The following ADAMTS17 variants were observed in gnomAD, a reference collection of about 807,000 sequenced individuals.
The protein encoded by ADAMTS17 is A disintegrin and metalloproteinase with thrombospondin motifs 17.
In ADAMTS17, 113 loss-of-function variants were observed where a neutral mutation model predicts 141.5. The observed-to-expected ratio is 0.80, with a 90% CI of 0.69 to 0.93. The LOEUF (loss-of-function observed/expected upper bound fraction) is 0.93. Ranked by LOEUF, ADAMTS17 falls within the 40% of genes least tolerant of loss-of-function variation. The probability of loss-of-function intolerance (pLI) is 0.00; values close to 1 mark genes in which losing one functional copy is unlikely to be tolerated. For synonymous variants in ADAMTS17, 768 were observed against 630.6 expected (o/e 1.22, Z -3.27); for missense variants, 1,659 against 1,517.9 (o/e 1.09, Z -1.54).
intron 18 of ADAMTS17, among the ~76,000 whole-genome samples, chr15:100,045,941 T>C (rs989970797): frequency 1.3e-5 from 2 of 152,148 alleles, no homozygotes; most frequent in African/African-American, 4.8e-5. Flanking sequence ...AGTGCAGTGG[T>C]GTGATCTCAG....
At chr15:100,173,750 G>C (rs767538203) in intron 8 of ADAMTS17, among the ~76,000 whole-genome samples, 9 of 152,172 alleles carry the variant, frequency 5.9e-5, no homozygotes, top group Admixed American at 3.9e-4. Context: ...CATCACTTGG[G>C]AAACTTTTAA....
chr15:100,190,715 T>TA (rs2040884676), intron 8 of ADAMTS17, among the ~76,000 whole-genome samples: 6 of 152,194 alleles, frequency 3.9e-5, no homozygotes, highest in Non-Finnish European at 5.9e-5. Context: ...CCTGGAAGAA[T>TA]GGGGACACTC....
In ADAMTS17 at chr15:100,332,466, C is replaced by T. The variant is rs79772925; in HGVS notation, c.451-1412G>A. Among the ~76,000 whole-genome samples, 1,211 of 152,306 alleles carry T rather than the reference C, an allele frequency of 8.0e-3. 35 individuals carry two copies. The highest frequency in any genetic ancestry group is 0.056 in the Admixed American group (855 of 15,306). ...CCCCCCACCTGCTCCCCAGAGGATA[C>T]GCTTCACTCTAATGAGGGGCTGCAC... On this transcript the variant is annotated intron_variant, in intron 2 of 21. Transcript: ENST00000268070.
At chr15:100,336,711 G>A (rs757834810) in intron 2 of ADAMTS17, among the ~76,000 whole-genome samples, 2 of 152,058 alleles carry the variant, frequency 1.3e-5, no homozygotes, top group Non-Finnish European at 2.9e-5. Flanking sequence ...GTTCTCCATC[G>A]AGTAGGCTGC....
chr15:100,243,974 C>T (rs1036215708), intron 7 of ADAMTS17, among the ~76,000 whole-genome samples: 1 of 152,012 alleles, frequency 6.6e-6, no homozygotes, highest in Non-Finnish European at 1.5e-5. Flanking sequence ...TCAGTCTATT[C>T]TCACACTGCT....
intron 8 of ADAMTS17, among the ~76,000 whole-genome samples, chr15:100,190,703 C>T (rs1305465802): frequency 1.3e-5 from 2 of 152,210 alleles, no homozygotes; most frequent in Admixed American, 6.5e-5. Flanking sequence ...GGAAACCAAA[C>T]ACCTGGAAGA....
intron 18 of ADAMTS17, among the ~76,000 whole-genome samples, chr15:100,015,677 G>A (rs181113775): frequency 6.6e-6 from 1 of 152,146 alleles, no homozygotes; most frequent in South Asian, 2.1e-4. Flanking sequence ...TTTGTTTGAG[G>A]AGGCTGAAGA....
chr15:100,089,435 G>C (rs967697758), intron 15 of ADAMTS17, among the ~76,000 whole-genome samples: 2 of 150,076 alleles, frequency 1.3e-5, no homozygotes, highest in African/African-American at 5.0e-5. Context: ...GATTCCTCAG[G>C]GATCTAGAAC....
At chr15:100,282,082 C>G (rs1442220836) in intron 3 of ADAMTS17, among the ~76,000 whole-genome samples, 1 of 152,162 alleles carries the variant, frequency 6.6e-6, no homozygotes, top group Non-Finnish European at 1.5e-5. Context: ...CTTTGATAAA[C>G]AGCTACTGTT....
Position 99,973,896 on chromosome 15 carries a change from G to C in ADAMTS17, c.*506C>G, listed in dbSNP as rs910361806. ...ATGTGGTCAAGAAGGTAGATGGAGA[G>C]AAACGTGTGCTAAGCAGCCCGGCCC... On this transcript the variant is annotated 3_prime_UTR_variant, in exon 22 of 22. Coordinates refer to ENST00000268070, the MANE Select transcript of ADAMTS17 (RefSeq NM_139057.4). The C allele has an allele frequency of 1.4e-5, 3 of 216,152 alleles. No individual in the cohort carries two copies. Among genetic ancestry groups the C allele is most frequent in the Non-Finnish European group, 2.8e-5 (3 of 106,794 alleles). 13.4% of individuals were successfully genotyped at this position (216,152 alleles called of 1,614,324 possible). A position where few individuals can be genotyped will look rare whatever the true frequency, so the allele number is the denominator to read the frequency against.
chr15:100,143,415 CTGAT>C (rs143283434), intron 10 of ADAMTS17, among the ~76,000 whole-genome samples: 2,694 of 152,314 alleles, frequency 0.018, 75 homozygotes, highest in African/African-American at 0.062. Context: ...ATAAAAAAGA[CTGAT>C]TGGGCTAATT....
Position 99,974,498 on chromosome 15 carries a change from C to CT in ADAMTS17, c.3191dup (p.Asn1065GlufsTer74), listed in dbSNP as rs748780450. The CT allele has an allele frequency of 4.3e-6, 7 of 1,614,106 alleles. No individual in the cohort carries two copies. The highest frequency in any genetic ancestry group is 5.9e-6 in the Non-Finnish European group (7 of 1,180,038). Reference sequence around the variant, plus strand: ...ACCACCGCATGTCCTGGCAGAGGTTCTTTTCTCGGATGACCCGGCAATATA... The same window carrying CT: ...ACCACCGCATGTCCTGGCAGAGGTTCTTTTTCTCGGATGACCCGGCAATATA... On this transcript the variant is annotated frameshift_variant, in exon 22 of 22. Coordinates refer to ENST00000268070, the MANE Select transcript of ADAMTS17 (RefSeq NM_139057.4). LOFTEE classifies it high-confidence loss of function.
intron 3 of ADAMTS17, among the ~76,000 whole-genome samples, chr15:100,326,289 T>C (rs1476403431): frequency 6.6e-6 from 1 of 152,200 alleles, no homozygotes; most frequent in Admixed American, 6.5e-5. Flanking sequence ...AGTTAAGATG[T>C]AGAAGGACAG....
At chr15:100,221,250 C>A (rs1330898630) in intron 7 of ADAMTS17, among the ~76,000 whole-genome samples, 8 of 151,212 alleles carry the variant, frequency 5.3e-5, no homozygotes. Context: ...ATGTTTAATG[C>A]CCACTAAAGC....
At chr15:100,101,937 G>C (rs574177819) in intron 14 of ADAMTS17, among the ~76,000 whole-genome samples, 20 of 152,318 alleles carry the variant, frequency 1.3e-4, no homozygotes, top group Middle Eastern at 3.4e-3. Context: ...GTGACTCCAG[G>C]ATTTACTGGG....
At chr15:100,291,337 T>TA (rs963840779) in intron 3 of ADAMTS17, among the ~76,000 whole-genome samples, 16 of 152,168 alleles carry the variant, frequency 1.1e-4, no homozygotes, top group African/African-American at 3.6e-4. Context: ...TGTTAAAAAG[T>TA]AAAAAACTAG....
chr15:100,155,607 A>G (rs987995741), intron 8 of ADAMTS17, among the ~76,000 whole-genome samples: 1 of 152,236 alleles, frequency 6.6e-6, no homozygotes, highest in South Asian at 2.1e-4. Context: ...TAACTGTGAC[A>G]TGATAATTCT....
chr15:100,092,069 C>T (rs1189292715), intron 15 of ADAMTS17, among the ~76,000 whole-genome samples: 1 of 152,178 alleles, frequency 6.6e-6, no homozygotes, highest in African/African-American at 2.4e-5. Context: ...AATATGAAAA[C>T]TTTTCTATGG....
At chr15:100,210,050 C>T (rs1299841507) in intron 7 of ADAMTS17, among the ~76,000 whole-genome samples, 9 of 151,804 alleles carry the variant, frequency 5.9e-5, no homozygotes, top group African/African-American at 9.7e-5. Flanking sequence ...CTGGCTAACA[C>T]GGTGAAACCC....
Sources: allele counts gnomAD v4.1 joint callset (sites outside exome capture counted in the v4.1 genomes callset), GRCh38; gene constraint gnomAD v4.1.1; transcripts MANE v1.5; gene names NCBI Gene and HGNC (gene_info 2026-07-23, HGNC 2026-07-21).